Variants in KNG1 observed in about 807,000 individuals in gnomAD.
The protein encoded by KNG1 is kininogen 1.
Under a neutral mutation model 47.8 loss-of-function variants are expected in KNG1, and 23 were observed. The observed-to-expected ratio is 0.48, with a 90% CI of 0.35 to 0.68. The LOEUF (loss-of-function observed/expected upper bound fraction) is 0.68. Ranked by LOEUF, KNG1 falls within the 30% of genes least tolerant of loss-of-function variation. The pLI is 0.01. For synonymous variants in KNG1, 277 were observed against 277.0 expected (o/e 1.00, Z 0.00); for missense variants, 762 against 790.2 (o/e 0.96, Z 0.43).
chr3:186,740,878 C>T (rs958607607), intron 9 of KNG1, among the ~76,000 whole-genome samples: 4 of 152,020 alleles, frequency 2.6e-5, no homozygotes, highest in Admixed American at 2.6e-4. Context: ...GGCTCAGAAG[C>T]TACCCTAGAG....
intron 9 of KNG1, among the ~76,000 whole-genome samples, chr3:186,740,489 T>C (rs1468963690): frequency 1.3e-5 from 2 of 152,262 alleles, no homozygotes; most frequent in Non-Finnish European, 2.9e-5. Context: ...CAGTAGGGTC[T>C]GGCCGGACTC....
At chr3:186,725,050 G>A (rs759734487) in intron 3 of KNG1, 38 bp from the exon 4 acceptor site, 6 of 1,610,396 alleles carry the variant, frequency 3.7e-6, no homozygotes, top group Admixed American at 3.3e-5. Flanking sequence ...TGCTGATTGC[G>A]ATCATTAATG....
chr3:186,743,088 T>C lies in KNG1; in HGVS notation c.*757T>C, dbSNP rs5030091. Reference sequence around the variant, plus strand: ...TTTCTCATAAGTCAAAAATTTCTGTTTACTCATTAACTACTCTTTGCAACA... The same window carrying C: ...TTTCTCATAAGTCAAAAATTTCTGTCTACTCATTAACTACTCTTTGCAACA... On this transcript the variant is annotated 3_prime_UTR_variant, in exon 10 of 10. Transcript: ENST00000644859. 0.42 allele frequency: 136,562 copies of C among 325,314 alleles called. 29,240 individuals carry two copies. Among genetic ancestry groups the C allele is most frequent in the South Asian group, 0.63 (5,184 of 8,220 alleles). 20.2% of individuals were successfully genotyped at this position (325,314 alleles called of 1,614,324 possible). A position where few individuals can be genotyped will look rare whatever the true frequency, so the allele number is the denominator to read the frequency against.
chr3:186,724,095 C>T (rs1299614658), intron 3 of KNG1, among the ~76,000 whole-genome samples: 1 of 152,170 alleles, frequency 6.6e-6, no homozygotes, highest in Non-Finnish European at 1.5e-5. Context: ...TGGGTAGATG[C>T]CCAGTAGCTG....
chr3:186,727,282 A>G lies in KNG1; in HGVS notation c.610A>G (p.Thr204Ala). ...TCGAATTACCTACTCAATTGTGCAA[A>G]CGAATTGTTCCAAAGAGAATTTTCT... is the stretch of plus-strand genomic sequence containing the variant. ...NFRITYSIVQ[T>A]NCSKENFLFL... The change falls in exon 5 of 10, where the codon ACG (threonine) becomes GCG (alanine). Residue 204 changes from threonine (T) to alanine (A), a missense_variant. Coordinates refer to ENST00000644859, the MANE Select transcript of KNG1 (RefSeq NM_001102416.3). The G allele has an allele frequency of 6.2e-7, 1 of 1,614,062 alleles. No individual in the cohort carries two copies. Among genetic ancestry groups the G allele is most frequent in the East Asian group, 2.2e-5 (1 of 44,872 alleles).
At chr3:186,739,027 C>T in intron 7 of KNG1, 72 bp from the exon 8 acceptor site, 1 of 1,250,550 alleles carries the variant, frequency 8.0e-7, no homozygotes, top group Non-Finnish European at 1.2e-6. Flanking sequence ...TCTCCCTTAA[C>T]ATTTCTTAAA....
intron 3 of KNG1, among the ~76,000 whole-genome samples, chr3:186,723,310 T>C (rs1720257264): frequency 6.6e-6 from 1 of 152,210 alleles, no homozygotes; most frequent in South Asian, 2.1e-4. Context: ...ATATACAATA[T>C]ATTGTTGCTA....
At chr3:186,739,440 G>A (rs780287167) in intron 9 of KNG1, 26 bp downstream of exon 9, 15 of 1,455,098 alleles carry the variant, frequency 1.0e-5, no homozygotes, top group Admixed American at 1.7e-5. Flanking sequence ...CAGTCAGCGT[G>A]GGGTCAGTTC....
rs1481533666 is a variant in KNG1, at chr3:186,729,891, C to T, written c.673-1654C>T. ...TTCTCCATGTTGGTCAGGCTGGTCT[C>T]GAACTCCCAACCTCAGGTGATCCGC... On this transcript the variant is annotated intron_variant, in intron 5 of 9. Coordinates refer to ENST00000644859, the MANE Select transcript of KNG1 (RefSeq NM_001102416.3). Among the ~76,000 whole-genome samples, 8 of 152,240 alleles carry T rather than the reference C, an allele frequency of 5.3e-5. No homozygotes were observed. The East Asian group carries it at 1.5e-3, about 29-fold the overall frequency.
chr3:186,728,046 TTC>T (rs1184708447), intron 5 of KNG1, among the ~76,000 whole-genome samples: 1 of 152,202 alleles, frequency 6.6e-6, no homozygotes, highest in Admixed American at 6.5e-5. Flanking sequence ...TGTCAAACTT[TTC>T]TCTGTTTGTT....
intron 7 of KNG1, among the ~76,000 whole-genome samples, chr3:186,735,202 C>T (rs822363): frequency 6.6e-6 from 1 of 151,874 alleles, no homozygotes; most frequent in East Asian, 1.9e-4. Flanking sequence ...AAGAGAGACG[C>T]GGGCCAGACA....
Position 186,727,359 on chromosome 3 carries a change from A to G in KNG1, c.672+15A>G. The stretch of plus-strand genomic sequence containing the variant: ...TTTGGAATGGTGTAAGTAGGCAAAA[A>G]TTTAATGATAAAGTTCTTAGCATTT... On this transcript the variant is annotated intron_variant, in intron 5 of 9. Coordinates refer to ENST00000644859, the MANE Select transcript of KNG1 (RefSeq NM_001102416.3). The G allele has an allele frequency of 6.9e-7, 1 of 1,449,698 alleles. No individual in the cohort carries two copies. 89.8% of individuals were successfully genotyped at this position (1,449,698 alleles called of 1,614,324 possible).
intron 1 of KNG1, among the ~76,000 whole-genome samples, chr3:186,719,724 A>G (rs13084325): frequency 0.24 from 34,717 of 141,762 alleles, 4,401 homozygotes; most frequent in South Asian, 0.35. Flanking sequence ...GCGAGACTCC[A>G]TCTCAAAAAA....
At chr3:186,725,550 T>TTTTTTTTTTTTTTTTC (rs1720339154) in intron 4 of KNG1, among the ~76,000 whole-genome samples, 1 of 123,602 alleles carries the variant, frequency 8.1e-6, no homozygotes, top group South Asian at 2.8e-4. Context: ...AGGATTTTTT[T>TTTTTTTTTTTTTTTTC]TTTTTTTTTT....
intron 4 of KNG1, 49 bp from the exon 5 acceptor site, chr3:186,727,188 G>C (rs756158668): frequency 2.4e-6 from 3 of 1,239,400 alleles, no homozygotes. Flanking sequence ...ATCCCACAGC[G>C]AATAATGTTT....
rs1421850520 is a variant in KNG1 at position 186,717,843 on chromosome 3, C to G, written c.195+106C>G. The G allele has an allele frequency of 6.7e-5, 22 of 330,578 alleles. No homozygotes were observed. In the East Asian group the frequency reaches 1.1e-3, roughly 16 times the overall value. The allele number at this position is 330,578 out of a possible 1,614,324, so 20.5% of individuals were successfully genotyped here. ...ATACCACCACCAGCACCCACCACCA[C>G]CACCCACCACCCACCACCATCACCC... On this transcript the variant is annotated intron_variant, in intron 1 of 9. Coordinates refer to ENST00000644859, the MANE Select transcript of KNG1 (RefSeq NM_001102416.3).
chr3:186,733,103 G>A (rs996769408), intron 7 of KNG1, among the ~76,000 whole-genome samples: 5 of 152,088 alleles, frequency 3.3e-5, no homozygotes, highest in South Asian at 2.1e-4. Flanking sequence ...AAAATTAGCC[G>A]GGTGTGGTGG....
chr3:186,739,152 T>G lies in KNG1; in HGVS notation c.984T>G (p.Cys328Trp), dbSNP rs770022757. Residue 328 changes from cysteine to tryptophan, a missense_variant, in exon 8 of 10, where the codon TGT becomes TGG. Cys to Trp is a radical substitution (Grantham distance 215). Coordinates refer to ENST00000644859, the MANE Select transcript of KNG1 (RefSeq NM_001102416.3). ...FIDFVARETT[C>W]SKESNEELTE... is the part of the protein sequence containing the mutation. ...ACTTCGTGGCCAGGGAAACCACATG[T>G]TCCAAGGAAAGTAATGAAGAGTTGA... The G allele has an allele frequency of 1.9e-6, 3 of 1,614,050 alleles. No individual in the cohort carries two copies. Among genetic ancestry groups the G allele is most frequent in the Admixed American group, 1.7e-5 (1 of 59,988 alleles).
intron 3 of KNG1, among the ~76,000 whole-genome samples, chr3:186,722,974 C>T (rs1720248598): frequency 6.6e-6 from 1 of 151,870 alleles, no homozygotes; most frequent in South Asian, 2.1e-4. Flanking sequence ...AGATGATATG[C>T]CTGGAGGTAC....
Sources: allele counts gnomAD v4.1 joint callset (sites outside exome capture counted in the v4.1 genomes callset), GRCh38; gene constraint gnomAD v4.1.1; transcripts MANE v1.5; gene names NCBI Gene and HGNC (gene_info 2026-07-23, HGNC 2026-07-21).